Variants in MYH14 observed in about 807,000 individuals in gnomAD.
MYH14 encodes myosin-14.
In MYH14, 123 loss-of-function variants were observed where a neutral mutation model predicts 255.5. That is an observed-to-expected ratio of 0.48 (90% CI 0.42 to 0.56). The LOEUF is 0.56. Ranked by LOEUF, MYH14 falls within the 20% of genes least tolerant of loss-of-function variation. MYH14 has a pLI of 0.00. For synonymous variants in MYH14, 1,095 were observed against 1,161.2 expected, an observed-to-expected ratio of 0.94 and a Z score of 1.16; for missense variants, 2,423 against 2,802.3, an observed-to-expected ratio of 0.86 and a Z score of 3.06.
At chr19:50,300,353 T>C (rs1346701999) in intron 39 of MYH14, among the ~76,000 whole-genome samples, 1 of 152,198 alleles carries the variant, frequency 6.6e-6, no homozygotes, top group Non-Finnish European at 1.5e-5. Context: ...ATAATGTTCT[T>C]GGTTGAGAAT....
At position 50,293,517 on chromosome 19, in the gene MYH14, C is replaced by T; in HGVS notation, c.5346-47C>T. 3 of 1,607,614 alleles carry T rather than the reference C, an allele frequency of 1.9e-6. No homozygotes were observed. The South Asian group carries it at 3.3e-5, about 18-fold the overall frequency. On this transcript the variant is annotated intron_variant, in intron 38 of 42. Coordinates refer to ENST00000642316, the MANE Select transcript of MYH14 (RefSeq NM_001145809.2). The surrounding 1 kb of genome is among the most constrained non-coding windows in gnomAD (Gnocchi z 4.1). ...CTGTAGTGTGAGGCAAGGCACCCTCCTCTGACCATCCTGTCCTTTCATCCC... is the reference window on the plus strand; with the variant it reads ...CTGTAGTGTGAGGCAAGGCACCCTCTTCTGACCATCCTGTCCTTTCATCCC...
chr19:50,245,151 A>G (rs1163047507), intron 11 of MYH14, among the ~76,000 whole-genome samples: 2 of 151,974 alleles, frequency 1.3e-5, no homozygotes, highest in Admixed American at 6.6e-5. Flanking sequence ...AAAATTACCC[A>G]TAATCACCTG....
intron 42 of MYH14, 88 bp downstream of exon 42, chr19:50,309,265 A>C: frequency 4.5e-6 from 6 of 1,319,250 alleles, no homozygotes; most frequent in Non-Finnish European, 5.5e-6. Context: ...CAGGGGCAAC[A>C]ACAGGGGGAA....
At chr19:50,208,882 G>T (rs979533214) in intron 1 of MYH14, among the ~76,000 whole-genome samples, 2 of 151,864 alleles carry the variant, frequency 1.3e-5, no homozygotes. Flanking sequence ...GATGGGGCTC[G>T]GTGGCTCACA....
intron 33 of MYH14, 46 bp from the exon 34 acceptor site, chr19:50,286,436 T>C (rs1305965831): frequency 1.3e-6 from 2 of 1,558,510 alleles, no homozygotes; most frequent in East Asian, 2.3e-5. Flanking sequence ...GTACACTCCT[T>C]TCAGCTAATC....
At chr19:50,228,155 G>A (rs569572872) in intron 8 of MYH14, among the ~76,000 whole-genome samples, 134 of 151,948 alleles carry the variant, frequency 8.8e-4, no homozygotes, top group Admixed American at 2.2e-3. Flanking sequence ...GCGTGGTGGC[G>A]CATGCTTGTA....
chr19:50,272,057 G>A, intron 26 of MYH14, 85 bp downstream of exon 26: 1 of 1,531,168 alleles, frequency 6.5e-7, no homozygotes, highest in African/African-American at 1.4e-5. Flanking sequence ...GGGCCTCAGT[G>A]GCTGTGTCTG....
At chr19:50,296,137 A>G (rs763691854) in intron 39 of MYH14, among the ~76,000 whole-genome samples, 1 of 151,980 alleles carries the variant, frequency 6.6e-6, no homozygotes, top group Non-Finnish European at 1.5e-5. Flanking sequence ...TAAAAACAAA[A>G]CTAAGCAAAC....
At position 50,245,430 on chromosome 19, in the gene MYH14, AAAGAAGAAGAAAGAAAG is replaced by A. The variant is rs1226339892; in HGVS notation, c.1210+1096_1210+1112del. Among the ~76,000 whole-genome samples the A allele has an allele frequency of 1.2e-4, 15 of 129,820 alleles. 1 individual carries two copies. Among genetic ancestry groups the A allele is most frequent in the African/African-American group, 1.7e-4 (6 of 34,706 alleles). 85.2% of individuals were successfully genotyped at this position (129,820 alleles called of 152,430 possible). A position where few individuals can be genotyped will look rare whatever the true frequency, so the allele number is the denominator to read the frequency against. On this transcript the variant is annotated intron_variant, in intron 11 of 42. Coordinates refer to ENST00000642316, the MANE Select transcript of MYH14 (RefSeq NM_001145809.2). ...GCAAGAATCTGTCTCCAAAAAAAAA[AAAGAAGAAGAAAGAAAG>A]AAAAAGAAGAAGAAAGAAAGAAAAA...
At position 50,293,092 on chromosome 19, in the gene MYH14, T is replaced by G. The variant is rs1052542222; in HGVS notation, c.5257-141T>G. ...GACAGATTTAGGAGACATCTGTAGGTTGCAGCTCATTCCAGGGTTACCCAG... is the reference window on the plus strand; with the variant it reads ...GACAGATTTAGGAGACATCTGTAGGGTGCAGCTCATTCCAGGGTTACCCAG... On this transcript the variant is annotated intron_variant, in intron 37 of 42. Transcript: ENST00000642316. This position sits in a 1 kb window ranked among gnomAD's most constrained non-coding sequence, Gnocchi z 4.1. The G allele has an allele frequency of 8.8e-6, 6 of 683,062 alleles. No homozygotes were observed. The highest frequency in any genetic ancestry group is 2.4e-4 in the Middle Eastern group (1 of 4,158). 42.3% of individuals were successfully genotyped at this position (683,062 alleles called of 1,614,324 possible). A position where few individuals can be genotyped will look rare whatever the true frequency, so the allele number is the denominator to read the frequency against.
intron 21 of MYH14, among the ~76,000 whole-genome samples, chr19:50,262,693 G>A (rs1431946715): frequency 6.6e-6 from 1 of 152,026 alleles, no homozygotes. Flanking sequence ...CTCTCTGGAG[G>A]CGTGTTGGGA....
Position 50,281,793 on chromosome 19 carries a change from A to T in MYH14, c.4490A>T (p.Gln1497Leu). The T allele has an allele frequency of 6.2e-7, 1 of 1,612,760 alleles. No homozygotes were observed. The highest frequency in any genetic ancestry group is 8.5e-7 in the Non-Finnish European group (1 of 1,179,774). Residue 1497 changes from glutamine (Q) to leucine (L), a missense_variant, in exon 33 of 43, where the codon CAG (glutamine) becomes CTG (leucine). Coordinates refer to ENST00000642316, the MANE Select transcript of MYH14 (RefSeq NM_001145809.2). ...LDDATMDLEQ[Q>L]RQLVSTLEKK... Reference sequence around the variant, plus strand: ...GACGCCACCATGGACCTGGAGCAGCAGCGGCAGCTTGTGAGCACCCTGGAG... The same window carrying T: ...GACGCCACCATGGACCTGGAGCAGCTGCGGCAGCTTGTGAGCACCCTGGAG...
intron 33 of MYH14, among the ~76,000 whole-genome samples, chr19:50,284,046 T>C (rs1457263352): frequency 6.7e-6 from 1 of 149,812 alleles, no homozygotes; most frequent in East Asian, 2.0e-4. Context: ...CACTCCAGCC[T>C]GGGCAACAAG....
At position 50,257,459 on chromosome 19, in the gene MYH14, C is replaced by CGG; in HGVS notation, c.2205_2206insGG (p.Cys736GlyfsTer55). The CGG allele has an allele frequency of 6.2e-7, 1 of 1,603,566 alleles. No homozygotes were observed. Among genetic ancestry groups the CGG allele is most frequent in the Non-Finnish European group, 8.5e-7 (1 of 1,174,572 alleles). On this transcript the variant is annotated frameshift_variant, in exon 18 of 43. Coordinates refer to ENST00000642316, the MANE Select transcript of MYH14 (RefSeq NM_001145809.2). LOFTEE classifies it high-confidence loss of function. The stretch of plus-strand genomic sequence containing the variant: ...GCAACACCAACCCCAGTTTTGTCCG[C>CGG]TGCATTGTCCCCAACCACGAGAAGA...
rs150342778 is a variant in MYH14 at position 50,287,186 on chromosome 19, A to G, written c.4752+492A>G. ...ATCCATATAGACACACACAGCGTGA[A>G]GAGAATCTCCACCAAACACTGTGCT... On this transcript the variant is annotated intron_variant, in intron 34 of 42. Transcript: ENST00000642316. Among the ~76,000 whole-genome samples, 259 of 152,348 alleles carry G rather than the reference A, an allele frequency of 1.7e-3. 2 individuals are homozygous for G. The highest frequency in any genetic ancestry group is 5.8e-3 in the African/African-American group (241 of 41,594).
At position 50,259,239 on chromosome 19, in the gene MYH14, C is replaced by T. The variant is rs755802391; in HGVS notation, c.2328C>T (p.Arg776=). 46 of 1,587,242 alleles carry T rather than the reference C, an allele frequency of 2.9e-5. No homozygotes were observed. The Middle Eastern group carries it at 5.1e-4, about 17-fold the overall frequency. Residue 776 remains arginine (R), a synonymous_variant, in exon 19 of 43, where the codon CGC becomes CGT. Coordinates refer to ENST00000642316, the MANE Select transcript of MYH14 (RefSeq NM_001145809.2). ...IRICRQGFPN[R]ILFQEFRQRY... ...TCTGTCGCCAGGGCTTCCCCAACCG[C>T]ATCCTCTTCCAGGAGTTCCGGCAGC...
chr19:50,249,527 C>T (rs1302814221), intron 13 of MYH14, 123 bp from the exon 14 acceptor site: 2 of 1,069,788 alleles, frequency 1.9e-6, no homozygotes, highest in Non-Finnish European at 2.7e-6. Context: ...CTCTGTCCCC[C>T]TCTCTCTGGG....
intron 15 of MYH14, among the ~76,000 whole-genome samples, chr19:50,251,555 C>G (rs1187101846): frequency 1.6e-5 from 2 of 123,046 alleles, no homozygotes; most frequent in South Asian, 5.0e-4. Flanking sequence ...CACACACACA[C>G]ACACACACAC....
At chr19:50,207,348 C>T (rs1014633358) in intron 1 of MYH14, among the ~76,000 whole-genome samples, 22 of 140,818 alleles carry the variant, frequency 1.6e-4, no homozygotes, top group African/African-American at 5.6e-4. Flanking sequence ...GAGGGGGCCA[C>T]GCAGCAGGAT....
Sources: gnomAD v4.1 joint callset for allele counts (sites outside exome capture counted in the v4.1 genomes callset) on GRCh38, gnomAD v4.1.1 for gene constraint, Gnocchi (gnomAD v3.1) non-coding constraint, MANE v1.5 for transcripts, NCBI Gene and HGNC (gene_info 2026-07-23, HGNC 2026-07-21) for gene names.